SPAG16: variants seen among roughly 807,000 people sequenced by gnomAD.
The protein encoded by SPAG16 is sperm associated antigen 16, also known as sperm-associated antigen 16 protein.
A neutral mutation model predicts 80.4 loss-of-function variants in SPAG16; 86 were observed. That is an observed-to-expected ratio of 1.07 (90% CI 0.90 to 1.28). The LOEUF is 1.28. Ranked by LOEUF, SPAG16 falls within the 50% of genes most tolerant of loss-of-function variation. The pLI, the probability that SPAG16 is intolerant of heterozygous loss-of-function variation, is 0.00. For synonymous variants in SPAG16, 294 were observed against 265.9 expected, an observed-to-expected ratio of 1.11 and a Z score of -1.03; for missense variants, 870 against 765.3, an observed-to-expected ratio of 1.14 and a Z score of -1.61.
intron 15 of SPAG16, among the ~76,000 whole-genome samples, chr2:214,381,272 C>T (rs1385769622): frequency 1.3e-5 from 2 of 152,140 alleles, no homozygotes; most frequent in Admixed American, 1.3e-4. Context: ...AAATTTTCTA[C>T]CGTTTCTGCA....
chr2:213,394,626 A>G lies in SPAG16; in HGVS notation c.942+19507A>G, dbSNP rs1210752927. On this transcript the variant is annotated intron_variant, in intron 9 of 15. Coordinates refer to ENST00000331683, the MANE Select transcript of SPAG16 (RefSeq NM_024532.5). Reference sequence around the variant, plus strand: ...TGTCCATGCCTAACCCCAGGAAACCACTAATCTTTTCTTCATTTCTGTAAT... The same window carrying G: ...TGTCCATGCCTAACCCCAGGAAACCGCTAATCTTTTCTTCATTTCTGTAAT... Among the ~76,000 whole-genome samples the G allele has an allele frequency of 2.6e-5, 4 of 152,160 alleles. No individual in the cohort carries two copies. In the East Asian group the frequency reaches 7.7e-4, roughly 29 times the overall value.
chr2:214,092,592 T>A (rs1341593436), intron 13 of SPAG16, among the ~76,000 whole-genome samples: 1 of 151,930 alleles, frequency 6.6e-6, no homozygotes. Context: ...TCCTGTTACC[T>A]TATTTATTGT....
intron 13 of SPAG16, among the ~76,000 whole-genome samples, chr2:214,023,033 G>T (rs1005735065): frequency 6.6e-6 from 1 of 151,864 alleles, no homozygotes. Flanking sequence ...CCCTGACAGT[G>T]CATCTGACAT....
intron 10 of SPAG16, among the ~76,000 whole-genome samples, chr2:213,779,589 TA>T (rs909207344): frequency 5.3e-5 from 8 of 152,024 alleles, no homozygotes; most frequent in Non-Finnish European, 8.8e-5. Flanking sequence ...CCTTCAACTA[TA>T]AAAAAAATTA....
chr2:213,702,555 C>T (rs1293828815), intron 10 of SPAG16, among the ~76,000 whole-genome samples: 3 of 152,192 alleles, frequency 2.0e-5, no homozygotes, highest in Non-Finnish European at 2.9e-5. Flanking sequence ...TTGAAGTTGG[C>T]GAGACCAAGA....
intron 15 of SPAG16, among the ~76,000 whole-genome samples, chr2:214,296,186 A>C (rs1269999430): frequency 6.6e-6 from 1 of 152,216 alleles, no homozygotes; most frequent in Non-Finnish European, 1.5e-5. Context: ...TTTCACTTAG[A>C]ATAATGGCCC....
chr2:214,030,930 G>A (rs970679009), intron 13 of SPAG16, among the ~76,000 whole-genome samples: 4 of 152,178 alleles, frequency 2.6e-5, no homozygotes, highest in African/African-American at 9.7e-5. Context: ...AAATAGCTCA[G>A]CATTGTTGTC....
At chr2:214,129,259 G>A (rs2054643842) in intron 14 of SPAG16, among the ~76,000 whole-genome samples, 1 of 152,156 alleles carries the variant, frequency 6.6e-6, no homozygotes, top group African/African-American at 2.4e-5. Flanking sequence ...TAATTAGGGA[G>A]TCTGCTGTGC....
intron 13 of SPAG16, among the ~76,000 whole-genome samples, chr2:214,050,879 G>A (rs1426564135): frequency 6.6e-6 from 1 of 152,134 alleles, no homozygotes; most frequent in Non-Finnish European, 1.5e-5. Context: ...AGATTATAGG[G>A]TGTGAGCCAA....
At chr2:214,151,602 A>T (rs2055976447) in intron 15 of SPAG16, among the ~76,000 whole-genome samples, 1 of 152,126 alleles carries the variant, frequency 6.6e-6, no homozygotes, top group Admixed American at 6.5e-5. Context: ...TCTTTTTCAA[A>T]AAAAGCAAGA....
intron 10 of SPAG16, among the ~76,000 whole-genome samples, chr2:213,747,271 A>C (rs1318669163): frequency 6.6e-6 from 1 of 152,256 alleles, no homozygotes; most frequent in Non-Finnish European, 1.5e-5. Context: ...GTCTTAACCT[A>C]AGTGTTATTT....
chr2:214,399,178 T>C (rs1701570821), intron 15 of SPAG16, among the ~76,000 whole-genome samples: 1 of 152,172 alleles, frequency 6.6e-6, no homozygotes, highest in Non-Finnish European at 1.5e-5. Flanking sequence ...CATCCGATTA[T>C]ACTACATACT....
Position 213,296,120 on chromosome 2 carries a change from T to G in SPAG16, c.183+10T>G. Reference sequence around the variant, plus strand: ...CTATGAATATGAAGAGGTAACATGTTAATTTTAGGTGTTTATTCTGTAAAT... The same window carrying G: ...CTATGAATATGAAGAGGTAACATGTGAATTTTAGGTGTTTATTCTGTAAAT... On this transcript the variant is annotated intron_variant, in intron 2 of 15. Transcript: ENST00000331683. 1 of 1,580,640 alleles carries G rather than the reference T, an allele frequency of 6.3e-7. No homozygotes were observed. Among genetic ancestry groups the G allele is most frequent in the Non-Finnish European group, 8.7e-7 (1 of 1,151,424 alleles).
intron 15 of SPAG16, among the ~76,000 whole-genome samples, chr2:214,407,448 C>A (rs898446135): frequency 1.3e-5 from 2 of 151,992 alleles, no homozygotes; most frequent in Non-Finnish European, 2.9e-5. Flanking sequence ...GTTCTCATGA[C>A]GCTATTTAAA....
intron 3 of SPAG16, 133 bp from the exon 4 acceptor site, chr2:213,309,926 T>TAATATTGTTG: frequency 1.7e-6 from 1 of 578,264 alleles, no homozygotes; most frequent in South Asian, 2.3e-5. Flanking sequence ...TATTAATGGT[T>TAATATTGTTG]CCTGGCATAT....
intron 10 of SPAG16, among the ~76,000 whole-genome samples, chr2:213,731,122 C>G (rs930925955): frequency 1.4e-5 from 2 of 148,046 alleles, no homozygotes; most frequent in African/African-American, 5.0e-5. Flanking sequence ...AGTTCCCTGT[C>G]TGATAATTCC....
At chr2:213,724,531 A>G (rs1004903010) in intron 10 of SPAG16, among the ~76,000 whole-genome samples, 2 of 152,084 alleles carry the variant, frequency 1.3e-5, no homozygotes, top group Non-Finnish European at 2.9e-5. Context: ...TAATCCCAGC[A>G]CTTTGGGAGG....
At chr2:214,193,142 T>A (rs754411213) in intron 15 of SPAG16, among the ~76,000 whole-genome samples, 1 of 152,000 alleles carries the variant, frequency 6.6e-6, no homozygotes, top group African/African-American at 2.4e-5. Context: ...GTATAGAGGG[T>A]GAGGCATAAT....
chr2:213,516,594 A>G (rs1042672999), intron 10 of SPAG16, among the ~76,000 whole-genome samples: 39 of 152,190 alleles, frequency 2.6e-4, no homozygotes, highest in African/African-American at 8.9e-4. Context: ...GCCAGGCACT[A>G]TTTTAGGTGG....
Sources: allele counts gnomAD v4.1 joint callset (sites outside exome capture counted in the v4.1 genomes callset), GRCh38; gene constraint gnomAD v4.1.1; transcripts MANE v1.5; gene names NCBI Gene and HGNC (gene_info 2026-07-23, HGNC 2026-07-21).